RB1CC1: variants seen among roughly 807,000 people sequenced by gnomAD.
RB1CC1 encodes RB1-inducible coiled-coil protein 1.
A neutral mutation model predicts 177.5 loss-of-function variants in RB1CC1; 46 were observed. The ratio of observed to expected loss-of-function variants is 0.26; its 90% CI spans 0.20 to 0.33. RB1CC1 has a LOEUF of 0.33. RB1CC1 is among the 10% of genes least tolerant of loss of function. The probability of loss-of-function intolerance (pLI) is 1.00; values close to 1 mark genes in which losing one functional copy is unlikely to be tolerated. For synonymous variants in RB1CC1, 666 were observed against 613.6 expected (o/e 1.09, Z -1.26); for missense variants, 1,703 against 1,816.3 (o/e 0.94, Z 1.13).
chr8:52,634,382 G>A (rs749714329), intron 20 of RB1CC1, among the ~76,000 whole-genome samples: 6 of 151,986 alleles, frequency 3.9e-5, no homozygotes, highest in Non-Finnish European at 8.8e-5. Flanking sequence ...AATTAGCCGG[G>A]TGTGACGGCG....
In RB1CC1 at chr8:52,645,232, G is replaced by A. The variant is rs140673079; in HGVS notation, c.3987+470C>T. 1.4e-3 allele frequency among the ~76,000 whole-genome samples: 219 copies of A among 152,260 alleles called. 2 individuals are homozygous for A. Among genetic ancestry groups the A allele is most frequent in the Non-Finnish European group, 2.7e-3 (185 of 68,012 alleles). Reference sequence around the variant, plus strand: ...CAGAAGGATAAGAATTACAGAAAGGGTAAGATATTTATGTTGATCTGAATG... The same window carrying A: ...CAGAAGGATAAGAATTACAGAAAGGATAAGATATTTATGTTGATCTGAATG... On this transcript the variant is annotated intron_variant, in intron 16 of 23. Transcript: ENST00000025008.
chr8:52,690,644 A>G (rs1392317529), intron 1 of RB1CC1, among the ~76,000 whole-genome samples: 1 of 152,180 alleles, frequency 6.6e-6, no homozygotes, highest in Non-Finnish European at 1.5e-5. Context: ...GAGACTAAAC[A>G]CAAAATCTTC....
chr8:52,658,301 G>A (rs1045797613), intron 13 of RB1CC1, among the ~76,000 whole-genome samples, 177 bp from the exon 14 acceptor site: 3 of 152,030 alleles, frequency 2.0e-5, no homozygotes, highest in East Asian at 1.9e-4. Flanking sequence ...ACTTAGGGCC[G>A]GGCGTGGTGG....
At chr8:52,678,110 T>G (rs950867265) in intron 5 of RB1CC1, among the ~76,000 whole-genome samples, 2 of 152,064 alleles carry the variant, frequency 1.3e-5, no homozygotes, top group Non-Finnish European at 2.9e-5. Context: ...CTTGCAACAA[T>G]GAAAAAGGAA....
chr8:52,642,018 A>T (rs1849629223), intron 18 of RB1CC1, among the ~76,000 whole-genome samples: 1 of 152,180 alleles, frequency 6.6e-6, no homozygotes, highest in African/African-American at 2.4e-5. Flanking sequence ...AAATGAATAT[A>T]TTCATTACTA....
intron 7 of RB1CC1, among the ~76,000 whole-genome samples, chr8:52,672,034 T>C (rs938741764): frequency 6.6e-6 from 1 of 152,254 alleles, no homozygotes; most frequent in Non-Finnish European, 1.5e-5. Context: ...CAGATGTTGT[T>C]GCTATGCCCT....
chr8:52,637,755 C>CT (rs1483580806), intron 18 of RB1CC1, among the ~76,000 whole-genome samples: 4 of 152,104 alleles, frequency 2.6e-5, no homozygotes, highest in Non-Finnish European at 5.9e-5. Context: ...TCTGCAACCT[C>CT]TGCCTCCCAG....
chr8:52,644,466 GGAGATAAA>G (rs1849838361), intron 16 of RB1CC1, among the ~76,000 whole-genome samples: 1 of 152,206 alleles, frequency 6.6e-6, no homozygotes, highest in Admixed American at 6.5e-5. Flanking sequence ...TGCAACACAA[GGAGATAAA>G]GAGATCAATA....
At chr8:52,647,614 C>A (rs112283419) in intron 15 of RB1CC1, among the ~76,000 whole-genome samples, 4 of 152,074 alleles carry the variant, frequency 2.6e-5, no homozygotes, top group African/African-American at 9.7e-5. Flanking sequence ...CCTGCTTGGC[C>A]GATTTCTTCC....
At chr8:52,652,366 T>C (rs995350810) in intron 15 of RB1CC1, among the ~76,000 whole-genome samples, 2 of 149,588 alleles carry the variant, frequency 1.3e-5, no homozygotes, top group African/African-American at 4.9e-5. Context: ...CTCGGGAGGC[T>C]GAGGCAGGAG....
intron 1 of RB1CC1, among the ~76,000 whole-genome samples, chr8:52,707,418 C>CT (rs1396444321): frequency 1.4e-5 from 2 of 141,326 alleles, no homozygotes; most frequent in East Asian, 4.6e-4. Context: ...TTTTTCTTTT[C>CT]TTTTTCTTTC....
At chr8:52,638,458 A>G (rs1229349984) in intron 18 of RB1CC1, among the ~76,000 whole-genome samples, 1 of 152,144 alleles carries the variant, frequency 6.6e-6, no homozygotes, top group Non-Finnish European at 1.5e-5. Context: ...TGGTATTAGT[A>G]TATAATACTG....
chr8:52,704,237 T>C (rs1029850507), intron 1 of RB1CC1, among the ~76,000 whole-genome samples: 26 of 152,294 alleles, frequency 1.7e-4, no homozygotes, highest in Non-Finnish European at 2.8e-4. Context: ...CACTAGATTA[T>C]TCTTCTGATC....
intron 5 of RB1CC1, among the ~76,000 whole-genome samples, chr8:52,681,103 T>C (rs1853675979): frequency 6.6e-6 from 1 of 151,234 alleles, no homozygotes. Flanking sequence ...GCAATTCTCC[T>C]ACCTCAGCCT....
intron 15 of RB1CC1, among the ~76,000 whole-genome samples, chr8:52,649,560 C>G (rs964024794): frequency 1.3e-5 from 2 of 152,174 alleles, no homozygotes; most frequent in South Asian, 2.1e-4. Context: ...CACTTGAACC[C>G]TGGAGGCAGA....
intron 16 of RB1CC1, 144 bp downstream of exon 16, chr8:52,645,558 C>T (rs1297627141): frequency 1.1e-6 from 1 of 877,574 alleles, no homozygotes; most frequent in African/African-American, 1.8e-5. Context: ...ACGCTTTTGT[C>T]AAGAGGAAAT....
intron 1 of RB1CC1, among the ~76,000 whole-genome samples, chr8:52,712,325 AT>A (rs1857125213): frequency 6.6e-6 from 1 of 152,198 alleles, no homozygotes. Context: ...TGAATGTATG[AT>A]ATAAAATTTT....
chr8:52,647,068 T>C (rs987555135), intron 15 of RB1CC1, among the ~76,000 whole-genome samples: 11 of 152,228 alleles, frequency 7.2e-5, no homozygotes, highest in African/African-American at 2.7e-4. Flanking sequence ...ATGTTCACTC[T>C]ACATGTTTCT....
chr8:52,673,802 A>G, intron 7 of RB1CC1, 43 bp downstream of exon 7: 1 of 1,485,890 alleles, frequency 6.7e-7, no homozygotes, highest in Non-Finnish European at 9.1e-7. Flanking sequence ...AATAATATAA[A>G]GTAGTAAAAT....
Sources: allele counts gnomAD v4.1 joint callset (sites outside exome capture counted in the v4.1 genomes callset), GRCh38; gene constraint gnomAD v4.1.1; transcripts MANE v1.5; gene names NCBI Gene and HGNC (gene_info 2026-07-23, HGNC 2026-07-21).